The following PTPRD variants were observed in gnomAD, a reference collection of about 807,000 sequenced individuals.
PTPRD encodes receptor-type tyrosine-protein phosphatase delta.
A neutral mutation model predicts 214.5 loss-of-function variants in PTPRD; 34 were observed. The ratio of observed to expected loss-of-function variants is 0.16; its 90% CI spans 0.12 to 0.21. The LOEUF is 0.21. Among genes scored for constraint, PTPRD ranks in the 10% least tolerant of loss-of-function variants. PTPRD has a pLI of 1.00. For synonymous variants in PTPRD, 1,128 were observed against 845.7 expected, an observed-to-expected ratio of 1.33 and a Z score of -5.79; for missense variants, 2,545 against 2,398.7, an observed-to-expected ratio of 1.06 and a Z score of -1.27.
Position 9,977,245 on chromosome 9 carries a change from G to C in PTPRD, c.-471-38635C>G, listed in dbSNP as rs916972138. 2.0e-5 allele frequency among the ~76,000 whole-genome samples: 3 copies of C among 152,096 alleles called. No individual in the cohort carries two copies. In the South Asian group the frequency reaches 6.2e-4, roughly 32 times the overall value. On this transcript the variant is annotated intron_variant, in intron 4 of 45. Transcript: ENST00000381196. ...ATAACACACTGGGAGGTCTAAAGTA[G>C]AACTTACCAATTTGAAGCTCAAAAG...
chr9:9,779,571 G>C (rs1224638411), intron 5 of PTPRD, among the ~76,000 whole-genome samples: 1 of 152,090 alleles, frequency 6.6e-6, no homozygotes, highest in African/African-American at 2.4e-5. Context: ...CTTCACAAAA[G>C]ACAAACAGGC....
chr9:9,950,679 C>T (rs1178586804), intron 4 of PTPRD, among the ~76,000 whole-genome samples: 2 of 29,902 alleles, frequency 6.7e-5, no homozygotes, highest in South Asian at 1.2e-3. Context: ...GAGCCGAGAT[C>T]GCGCCACTGC....
chr9:9,073,769 C>A (rs939773241), intron 10 of PTPRD, among the ~76,000 whole-genome samples: 6 of 152,108 alleles, frequency 3.9e-5, no homozygotes, highest in African/African-American at 1.4e-4. Flanking sequence ...TCCTATTGTG[C>A]CTGTTTTTCT....
chr9:10,568,123 C>A (rs1273840575), intron 2 of PTPRD, among the ~76,000 whole-genome samples: 1 of 146,166 alleles, frequency 6.8e-6, no homozygotes, highest in Non-Finnish European at 1.5e-5. Flanking sequence ...CCCCTCCCCC[C>A]AGCCCACAAC....
At chr9:8,644,983 C>T (rs1294474022) in intron 12 of PTPRD, among the ~76,000 whole-genome samples, 1 of 152,166 alleles carries the variant, frequency 6.6e-6, no homozygotes, top group Non-Finnish European at 1.5e-5. Flanking sequence ...AAAATAACAC[C>T]CCAAAGATCT....
intron 35 of PTPRD, among the ~76,000 whole-genome samples, chr9:8,408,014 C>T (rs1187076396): frequency 6.6e-6 from 1 of 152,152 alleles, no homozygotes; most frequent in Non-Finnish European, 1.5e-5. Context: ...ATCCATATTA[C>T]TAAGACAAAG....
chr9:8,553,424 T>C (rs2082706879), intron 14 of PTPRD, among the ~76,000 whole-genome samples: 1 of 152,210 alleles, frequency 6.6e-6, no homozygotes, highest in Non-Finnish European at 1.5e-5. Flanking sequence ...TTTGCTTTCA[T>C]GTATCTTCTG....
chr9:8,577,386 G>C (rs530238739), intron 14 of PTPRD, among the ~76,000 whole-genome samples: 1 of 152,116 alleles, frequency 6.6e-6, no homozygotes, highest in African/African-American at 2.4e-5. Context: ...CTCCCGAGTA[G>C]CTGGGATTAT....
intron 12 of PTPRD, among the ~76,000 whole-genome samples, chr9:8,703,255 TAGA>T (rs1328882895): frequency 6.6e-6 from 1 of 152,222 alleles, no homozygotes; most frequent in Non-Finnish European, 1.5e-5. Context: ...TCTAGAAGCC[TAGA>T]AGTTTAAAGT....
intron 2 of PTPRD, among the ~76,000 whole-genome samples, chr9:10,583,912 G>C (rs1043911896): frequency 6.6e-6 from 1 of 152,136 alleles, no homozygotes; most frequent in Non-Finnish European, 1.5e-5. Context: ...AAACCTCAGA[G>C]AAGACTACTT....
chr9:8,869,089 A>T (rs370405378), intron 11 of PTPRD, among the ~76,000 whole-genome samples: 190 of 152,302 alleles, frequency 1.2e-3, no homozygotes, highest in African/African-American at 4.4e-3. Flanking sequence ...AAAAAGAAAG[A>T]ATTGGAAAGA....
intron 8 of PTPRD, among the ~76,000 whole-genome samples, chr9:9,508,308 G>C (rs1014812623): frequency 6.6e-6 from 1 of 151,446 alleles, no homozygotes; most frequent in Non-Finnish European, 1.5e-5. Context: ...AGGCACAAAA[G>C]GGAAAGCCAG....
At chr9:8,729,593 G>A (rs76172911) in intron 12 of PTPRD, among the ~76,000 whole-genome samples, 8 of 152,070 alleles carry the variant, frequency 5.3e-5, no homozygotes, top group Non-Finnish European at 8.8e-5. Flanking sequence ...TTTTAATTCA[G>A]CAAATCCTCG....
intron 4 of PTPRD, among the ~76,000 whole-genome samples, chr9:9,956,726 C>T (rs1419760840): frequency 6.6e-6 from 1 of 151,874 alleles, no homozygotes; most frequent in Non-Finnish European, 1.5e-5. Flanking sequence ...AGCTAGTTAC[C>T]TAGTAATAGA....
Position 9,245,333 on chromosome 9 carries a change from G to A in PTPRD, c.-202-61970C>T, listed in dbSNP as rs149807217. 4.2e-3 allele frequency among the ~76,000 whole-genome samples: 638 copies of A among 152,140 alleles called. 2 individuals are homozygous for A. The highest frequency in any genetic ancestry group is 0.015 in the African/African-American group (604 of 41,494). ...ACACATGCACACGTATGTTTATTGC[G>A]GCACTATTCACAATAGTAAAGACTT... On this transcript the variant is annotated intron_variant, in intron 9 of 45. Coordinates refer to ENST00000381196, the MANE Select transcript of PTPRD (RefSeq NM_002839.4).
At chr9:9,399,435 G>A (rs530079768) in intron 8 of PTPRD, among the ~76,000 whole-genome samples, 28 of 152,042 alleles carry the variant, frequency 1.8e-4, no homozygotes, top group Admixed American at 1.3e-3. Flanking sequence ...GTGATTTAAA[G>A]ACACCCCTAC....
chr9:9,900,641 G>GTTTTTTTTTTTTTTTTT lies in PTPRD; in HGVS notation c.-368+37865_-368+37866insAAAAAAAAAAAAAAAAA, dbSNP rs1555302230. Among the ~76,000 whole-genome samples the GTTTTTTTTTTTTTTTTT allele has an allele frequency of 3.3e-4, 40 of 120,090 alleles. 3 individuals carry two copies. The highest frequency in any genetic ancestry group is 1.1e-3 in the African/African-American group (36 of 32,082). The allele number at this position is 120,090 out of a possible 152,430, so 78.8% of individuals were successfully genotyped here. ...TCCAAAGGTGCTTCCACATTTTCAG[G>GTTTTTTTTTTTTTTTTT]TTTTTTTTTTTTTTGAGATGGAGTC... is the stretch of plus-strand genomic sequence containing the variant. On this transcript the variant is annotated intron_variant, in intron 5 of 45. Transcript: ENST00000381196.
chr9:8,508,533 G>C (rs544932885), intron 21 of PTPRD, among the ~76,000 whole-genome samples: 1 of 151,922 alleles, frequency 6.6e-6, no homozygotes, highest in Admixed American at 6.6e-5. Context: ...CTGAACATAT[G>C]TTCATATTCC....
intron 11 of PTPRD, among the ~76,000 whole-genome samples, chr9:8,948,563 T>TTA (rs1226681796): frequency 6.9e-5 from 6 of 86,364 alleles, no homozygotes; most frequent in South Asian, 3.5e-4. Flanking sequence ...TTATATATAT[T>TTA]TATATATATA....
Sources: allele counts gnomAD v4.1 joint callset (sites outside exome capture counted in the v4.1 genomes callset), GRCh38; gene constraint gnomAD v4.1.1; transcripts MANE v1.5; gene names NCBI Gene and HGNC (gene_info 2026-07-23, HGNC 2026-07-21).